The following PPA2 variants were observed in gnomAD, a reference collection of about 807,000 sequenced individuals.
PPA2 encodes the protein inorganic pyrophosphatase 2.
In PPA2, 48 loss-of-function variants were observed where a neutral mutation model predicts 49.5. The ratio of observed to expected loss-of-function variants is 0.97; its 90% CI spans 0.77 to 1.23. The LOEUF (loss-of-function observed/expected upper bound fraction) is 1.23, where lower values mean the gene tolerates loss of function less well. Among genes scored for constraint, PPA2 ranks in the 50% most tolerant of loss-of-function variants. PPA2 has a pLI of 0.00. For missense variants in PPA2, 429 were observed against 410.1 expected, an observed-to-expected ratio of 1.05 and a Z score of -0.40; for synonymous variants, 131 against 139.9, an observed-to-expected ratio of 0.94 and a Z score of 0.45.
intron 10 of PPA2, among the ~76,000 whole-genome samples, chr4:105,379,577 C>A (rs936125863): frequency 6.6e-6 from 1 of 151,852 alleles, no homozygotes; most frequent in Non-Finnish European, 1.5e-5. Flanking sequence ...GATTCTCCTG[C>A]CTCAGCCTCC....
At chr4:105,398,950 C>T (rs1357199594) in intron 8 of PPA2, 87 bp downstream of exon 8, 15 of 1,414,780 alleles carry the variant, frequency 1.1e-5, no homozygotes, top group Non-Finnish European at 1.4e-5. Context: ...GCTATATATA[C>T]ATATTCACAT....
intron 1 of PPA2, among the ~76,000 whole-genome samples, chr4:105,473,129 G>C (rs1354579270): frequency 6.6e-6 from 1 of 152,176 alleles, no homozygotes; most frequent in Non-Finnish European, 1.5e-5. Context: ...GCTATTTTCT[G>C]TTACGGTTAA....
chr4:105,467,836 G>A (rs1310873680), intron 1 of PPA2, among the ~76,000 whole-genome samples: 1 of 152,216 alleles, frequency 6.6e-6, no homozygotes, highest in African/African-American at 2.4e-5. Context: ...GTTCGGTGAG[G>A]GTGGGGAGTC....
intron 4 of PPA2, chr4:105,447,887 C>A: frequency 5.3e-6 from 1 of 190,056 alleles, no homozygotes; most frequent in Non-Finnish European, 1.1e-5. Flanking sequence ...ACATGCACCA[C>A]CATGCAAAAA....
intron 1 of PPA2, chr4:105,473,572 G>C (rs749630625): frequency 3.7e-6 from 2 of 541,630 alleles, no homozygotes; most frequent in Non-Finnish European, 7.0e-6. Flanking sequence ...GCTGCAGGCC[G>C]CCGCGGGGTG....
At chr4:105,451,955 A>T (rs756005173) in intron 3 of PPA2, among the ~76,000 whole-genome samples, 13 of 152,226 alleles carry the variant, frequency 8.5e-5, no homozygotes, top group Admixed American at 1.3e-4. Flanking sequence ...GCCAAATTTT[A>T]TCTGAAAATA....
At chr4:105,407,731 T>A (rs914935442) in intron 7 of PPA2, among the ~76,000 whole-genome samples, 10 of 152,208 alleles carry the variant, frequency 6.6e-5, no homozygotes, top group Non-Finnish European at 1.0e-4. Flanking sequence ...AAAAGTCATA[T>A]ACCCAGCCAT....
intron 7 of PPA2, among the ~76,000 whole-genome samples, chr4:105,421,473 CTG>C (rs1320063387): frequency 6.6e-6 from 1 of 151,912 alleles, no homozygotes; most frequent in Non-Finnish European, 1.5e-5. Flanking sequence ...ATCTAAAATC[CTG>C]TGTTTGTGAT....
intron 1 of PPA2, among the ~76,000 whole-genome samples, chr4:105,456,958 T>A (rs551370309): frequency 6.6e-6 from 1 of 152,326 alleles, no homozygotes; most frequent in Non-Finnish European, 1.5e-5. Context: ...ATATTTGGGT[T>A]GCTGAAATAA....
In PPA2 at chr4:105,444,726, G is replaced by A. The variant is rs568477765; in HGVS notation, c.441+1657C>T. ...TTTTTTTCATAATTTTAAATTAGTA[G>A]ATGAATTAGTAGTGCCTATTATACC... On this transcript the variant is annotated intron_variant, in intron 5 of 11. Coordinates refer to ENST00000341695, the MANE Select transcript of PPA2 (RefSeq NM_176869.3). Among the ~76,000 whole-genome samples the A allele has an allele frequency of 6.4e-4, 98 of 152,168 alleles. 1 individual carries two copies. Among genetic ancestry groups the A allele is most frequent in the Middle Eastern group, 3.4e-3 (1 of 294 alleles).
chr4:105,461,384 T>A (rs1375631756), intron 1 of PPA2, among the ~76,000 whole-genome samples: 1 of 152,208 alleles, frequency 6.6e-6, no homozygotes, highest in East Asian at 1.9e-4. Flanking sequence ...CTCCATAGAT[T>A]CGCCAGAACC....
At chr4:105,447,279 T>C (rs894009352) in intron 4 of PPA2, among the ~76,000 whole-genome samples, 2 of 152,126 alleles carry the variant, frequency 1.3e-5, no homozygotes, top group Non-Finnish European at 2.9e-5. Flanking sequence ...GCAAGTGAAA[T>C]AAGCCAGGCA....
chr4:105,371,515 A>C (rs1378304037), intron 10 of PPA2, among the ~76,000 whole-genome samples: 2 of 152,156 alleles, frequency 1.3e-5, no homozygotes, highest in African/African-American at 4.8e-5. Flanking sequence ...TAGAGAAATG[A>C]AACATGCCAG....
intron 5 of PPA2, among the ~76,000 whole-genome samples, chr4:105,438,820 C>A (rs1724197786): frequency 6.6e-6 from 1 of 152,138 alleles, no homozygotes; most frequent in African/African-American, 2.4e-5. Flanking sequence ...AAAAGGGATA[C>A]AGAGACCGTC....
Position 105,390,475 on chromosome 4 carries a change from AC to A in PPA2, c.870-3840del, listed in dbSNP as rs1476857772. On this transcript the variant is annotated intron_variant, in intron 9 of 11. Coordinates refer to ENST00000341695, the MANE Select transcript of PPA2 (RefSeq NM_176869.3). ...TAAACAAATTTACAAGAAAAAAAAA[AC>A]CCATCAAAAAGTGGGCAAAGGATAT... 1.3e-4 allele frequency among the ~76,000 whole-genome samples: 19 copies of A among 147,858 alleles called. No homozygotes were observed. The East Asian group carries it at 2.0e-3, about 16-fold the overall frequency.
chr4:105,418,495 T>C (rs1723109392), intron 7 of PPA2, among the ~76,000 whole-genome samples: 2 of 152,310 alleles, frequency 1.3e-5, no homozygotes, highest in Non-Finnish European at 2.9e-5. Flanking sequence ...ATTCTACATA[T>C]ACAAAAGACA....
At chr4:105,380,101 A>C (rs1733426388) in intron 10 of PPA2, among the ~76,000 whole-genome samples, 1 of 152,190 alleles carries the variant, frequency 6.6e-6, no homozygotes, top group Admixed American at 6.5e-5. Flanking sequence ...CACTGGCTAG[A>C]ACCTTCAGTA....
chr4:105,473,845 C>T, intron 1 of PPA2, 49 bp downstream of exon 1: 1 of 1,564,278 alleles, frequency 6.4e-7, no homozygotes. Flanking sequence ...CCATCCCCCA[C>T]CCAGGTTTCT....
In PPA2 at chr4:105,446,341, T is replaced by C. The variant is rs750104178; in HGVS notation, c.441+42A>G. 6 of 1,520,390 alleles carry C rather than the reference T, an allele frequency of 3.9e-6. No individual in the cohort carries two copies. In the African/African-American group the frequency reaches 5.7e-5, roughly 14 times the overall value. The allele number at this position is 1,520,390 out of a possible 1,614,324, so 94.2% of individuals were successfully genotyped here. On this transcript the variant is annotated intron_variant, in intron 5 of 11. Coordinates refer to ENST00000341695, the MANE Select transcript of PPA2 (RefSeq NM_176869.3). ...TCACAGGATTTATAAGGCAATTTTT[T>C]CAGAAGACAGGAACATTTTACCATT... is the stretch of plus-strand genomic sequence containing the variant.
Sources: gnomAD v4.1 joint callset for allele counts (sites outside exome capture counted in the v4.1 genomes callset) on GRCh38, gnomAD v4.1.1 for gene constraint, MANE v1.5 for transcripts, NCBI Gene and HGNC (gene_info 2026-07-23, HGNC 2026-07-21) for gene names.